Variants in EFNB2 observed in about 807,000 individuals in gnomAD.
EFNB2 encodes ephrin-B2.
In EFNB2, 5 loss-of-function variants were observed where a neutral mutation model predicts 32.1. The observed-to-expected ratio is 0.16, with a 90% CI of 0.08 to 0.33. The LOEUF is 0.33. Ranked by LOEUF, EFNB2 falls within the 10% of genes least tolerant of loss-of-function variation. EFNB2 has a pLI of 1.00. For synonymous variants in EFNB2, 168 were observed against 166.5 expected (o/e 1.01, Z -0.07); for missense variants, 263 against 422.6 (o/e 0.62, Z 3.31).
chr13:106,493,325 G>A lies in EFNB2; in HGVS notation c.717C>T (p.Ile239=), dbSNP rs137953662. ...AGIASGCIIF[I]VIIITLVVLL... is the part of the protein sequence containing the mutation. ...GGACCACCAGCGTGATGATGATGACGATGAAGATGATGCATCCTGAAGCAA... is the reference window on the plus strand; with the variant it reads ...GGACCACCAGCGTGATGATGATGACAATGAAGATGATGCATCCTGAAGCAA... The change falls in exon 5 of 5, where the codon ATC becomes ATT. Residue 239 remains isoleucine (I), a synonymous_variant. Coordinates refer to ENST00000646441, the MANE Select transcript of EFNB2 (RefSeq NM_004093.4). This position sits in a 1 kb window ranked among gnomAD's most constrained non-coding sequence, Gnocchi z 6.1. 428 of 1,614,124 alleles carry A rather than the reference G, an allele frequency of 2.7e-4. No individual in the cohort carries two copies. The highest frequency in any genetic ancestry group is 1.6e-3 in the Middle Eastern group (10 of 6,062).
At position 106,493,140 on chromosome 13, in the gene EFNB2, C is replaced by T. The variant is rs1474059835; in HGVS notation, c.902G>A (p.Cys301Tyr). 6.2e-7 allele frequency: 1 copy of T among 1,613,942 alleles called. No homozygotes were observed. Among genetic ancestry groups the T allele is most frequent in the Non-Finnish European group, 8.5e-7 (1 of 1,180,046 alleles). The change falls in exon 5 of 5, where the codon TGC becomes TAC. Residue 301 changes from cysteine to tyrosine, a missense_variant. By Grantham distance (194) the Cys-to-Tyr change is radical. Around this residue, in one of 3 missense-constraint regions of EFNB2, gnomAD observed 172 missense variants for 237.1 expected, o/e 0.73. Transcript: ENST00000646441. The surrounding 1 kb of genome is among the most constrained non-coding windows in gnomAD (Gnocchi z 6.1). ...IPLRTADSVF[C>Y]PHYEKVSGDY... ...CCCGCTGACCTTCTCGTAGTGAGGGCAGAAGACGCTGTCCGCAGTCCTTAG... is the reference window on the plus strand; with the variant it reads ...CCCGCTGACCTTCTCGTAGTGAGGGTAGAAGACGCTGTCCGCAGTCCTTAG...
At position 106,491,008 on chromosome 13, in the gene EFNB2, T is replaced by A. The variant is rs73586161; in HGVS notation, c.*2032A>T. ...TAGTAACAGGACTATGTTAAAGATG[T>A]CTATTTTGCATAGCACATAAAAAGT... is the stretch of plus-strand genomic sequence containing the variant. On this transcript the variant is annotated 3_prime_UTR_variant, in exon 5 of 5. Coordinates refer to ENST00000646441, the MANE Select transcript of EFNB2 (RefSeq NM_004093.4). 5.2e-5 allele frequency: 8 copies of A among 152,670 alleles called. No homozygotes were observed. Among genetic ancestry groups the A allele is most frequent in the African/African-American group, 1.9e-4 (8 of 41,526 alleles). 9.5% of individuals were successfully genotyped at this position (152,670 alleles called of 1,614,324 possible). A position where few individuals can be genotyped will look rare whatever the true frequency, so the allele number is the denominator to read the frequency against.
intron 2 of EFNB2, among the ~76,000 whole-genome samples, chr13:106,502,051 G>A (rs1345103156): frequency 6.6e-6 from 1 of 152,146 alleles, no homozygotes; most frequent in East Asian, 1.9e-4. Flanking sequence ...AGTGATGTAG[G>A]ATGTGTGAGT....
chr13:106,497,111 T>A (rs1033644904), intron 2 of EFNB2, among the ~76,000 whole-genome samples: 1 of 152,358 alleles, frequency 6.6e-6, no homozygotes, highest in African/African-American at 2.4e-5. Flanking sequence ...AAGTTCTATA[T>A]GCATTTATGG....
chr13:106,509,516 T>C (rs1302146653), intron 2 of EFNB2, among the ~76,000 whole-genome samples: 1 of 152,218 alleles, frequency 6.6e-6, no homozygotes, highest in African/African-American at 2.4e-5. Context: ...AATATACATG[T>C]AAATTTTAAT....
At chr13:106,513,179 T>C (rs1197491047) in intron 1 of EFNB2, among the ~76,000 whole-genome samples, 5 of 152,218 alleles carry the variant, frequency 3.3e-5, no homozygotes, top group African/African-American at 9.7e-5. Flanking sequence ...TTTTTAACCA[T>C]TGGCAGCTTT....
chr13:106,495,917 T>C (rs1878573409), intron 2 of EFNB2, 77 bp from the exon 3 acceptor site: 3 of 1,321,614 alleles, frequency 2.3e-6, no homozygotes, highest in Non-Finnish European at 3.2e-6. Flanking sequence ...TACATGAACA[T>C]GAAATGTCTG....
chr13:106,491,682 C>G lies in EFNB2; in HGVS notation c.*1358G>C, dbSNP rs1377834536. The G allele has an allele frequency of 6.6e-6, 1 of 152,614 alleles. No homozygotes were observed. Among genetic ancestry groups the G allele is most frequent in the Non-Finnish European group, 1.5e-5 (1 of 68,136 alleles). The allele number at this position is 152,614 out of a possible 1,614,324, so 9.5% of individuals were successfully genotyped here. On this transcript the variant is annotated 3_prime_UTR_variant, in exon 5 of 5. Coordinates refer to ENST00000646441, the MANE Select transcript of EFNB2 (RefSeq NM_004093.4). The stretch of plus-strand genomic sequence containing the variant: ...CGACCCTGCAGCCCTGGCACCCGGA[C>G]AGCACCGCATAAACCAAAGTGTCGT...
intron 2 of EFNB2, among the ~76,000 whole-genome samples, chr13:106,500,859 A>G (rs1043870992): frequency 1.3e-5 from 2 of 152,200 alleles, no homozygotes; most frequent in African/African-American, 2.4e-5. Context: ...TAAAAAAAGC[A>G]TAATCCAGTA....
rs1026640558 is a variant in EFNB2, at chr13:106,492,907, C to T, written c.*133G>A. The T allele has an allele frequency of 1.7e-5, 21 of 1,251,204 alleles. No individual in the cohort carries two copies. The highest frequency in any genetic ancestry group is 1.2e-4 in the African/African-American group (8 of 66,596). The allele number at this position is 1,251,204 out of a possible 1,614,324, so 77.5% of individuals were successfully genotyped here. A position where few individuals can be genotyped will look rare whatever the true frequency, so the allele number is the denominator to read the frequency against. On this transcript the variant is annotated 3_prime_UTR_variant, in exon 5 of 5. Transcript: ENST00000646441. This position sits in a 1 kb window ranked among gnomAD's most constrained non-coding sequence, Gnocchi z 5.1. ...AGCTGTCCAGCGCGACGGGCTCTTC[C>T]GAGGAGGAGTGTCCCTCTCCCCCGG... is the stretch of plus-strand genomic sequence containing the variant.
intron 1 of EFNB2, chr13:106,519,213 T>C (rs545767468): frequency 1.2e-3 from 190 of 152,234 alleles, no homozygotes; most frequent in African/African-American, 4.4e-3. Context: ...TGCTTGGAAA[T>C]GTTGTGGGAA....
At chr13:106,526,364 T>A (rs555774335) in intron 1 of EFNB2, among the ~76,000 whole-genome samples, 1 of 152,260 alleles carries the variant, frequency 6.6e-6, no homozygotes, top group African/African-American at 2.4e-5. Context: ...TCCCTGACTT[T>A]TAGGACAGGT....
At chr13:106,519,474 A>C (rs991344619) in intron 1 of EFNB2, 9 of 152,314 alleles carry the variant, frequency 5.9e-5, no homozygotes, top group Admixed American at 2.0e-4. Flanking sequence ...CCTCTAGAGC[A>C]AACTGCCAAG....
In EFNB2 at chr13:106,493,012, G is replaced by A. The variant is rs1878462266; in HGVS notation, c.*28C>T. On this transcript the variant is annotated 3_prime_UTR_variant, in exon 5 of 5. Transcript: ENST00000646441. The surrounding 1 kb of genome is among the most constrained non-coding windows in gnomAD (Gnocchi z 6.1). ...CATCGGGACATTAGGTGTCCTCTGGGAAAGCACAGGTACCACCAGGGTCCC... is the reference window on the plus strand; with the variant it reads ...CATCGGGACATTAGGTGTCCTCTGGAAAAGCACAGGTACCACCAGGGTCCC... The A allele has an allele frequency of 1.3e-6, 2 of 1,577,474 alleles. No individual in the cohort carries two copies. Among genetic ancestry groups the A allele is most frequent in the African/African-American group, 1.3e-5 (1 of 74,426 alleles).
chr13:106,498,150 C>G (rs1378634794), intron 2 of EFNB2, among the ~76,000 whole-genome samples: 1 of 151,832 alleles, frequency 6.6e-6, no homozygotes, highest in Non-Finnish European at 1.5e-5. Flanking sequence ...CAACACTAAG[C>G]TGAAAAATGA....
At chr13:106,534,722 G>T in intron 1 of EFNB2, 121 bp downstream of exon 1, 2 of 1,196,472 alleles carry the variant, frequency 1.7e-6, no homozygotes, top group Non-Finnish European at 2.3e-6. Flanking sequence ...TGGGGGTGGG[G>T]GACGGGGAAC....
chr13:106,498,518 A>G (rs1406171278), intron 2 of EFNB2, among the ~76,000 whole-genome samples: 1 of 152,226 alleles, frequency 6.6e-6, no homozygotes, highest in Non-Finnish European at 1.5e-5. Context: ...GACAACCACA[A>G]ATGTAAAATC....
Position 106,535,534 on chromosome 13 carries a change from G to C in EFNB2, c.-570C>G, listed in dbSNP as rs1380904276. ...CTCCCGGCCCCCAGGGCAGGAAAGA[G>C]GGAGCTCGGTCCCCGCCGCGGGCTC... On this transcript the variant is annotated 5_prime_UTR_variant, in exon 1 of 5. Transcript: ENST00000646441. 1 of 149,902 alleles carries C rather than the reference G, an allele frequency of 6.7e-6. No homozygotes were observed. The highest frequency in any genetic ancestry group is 6.6e-5 in the Admixed American group (1 of 15,116). The allele number at this position is 149,902 out of a possible 1,614,324, so 9.3% of individuals were successfully genotyped here. A position where few individuals can be genotyped will look rare whatever the true frequency, so the allele number is the denominator to read the frequency against.
At chr13:106,532,449 C>G (rs910443203) in intron 1 of EFNB2, among the ~76,000 whole-genome samples, 4 of 152,184 alleles carry the variant, frequency 2.6e-5, no homozygotes, top group Non-Finnish European at 1.5e-5. Flanking sequence ...ACCTTCCTGC[C>G]ACATCATATT....
Sources: gnomAD v4.1 joint callset for allele counts (sites outside exome capture counted in the v4.1 genomes callset) on GRCh38, gnomAD v4.1.1 for gene constraint, gnomAD v4.1.1 regional missense constraint, Gnocchi (gnomAD v3.1) non-coding constraint, MANE v1.5 for transcripts, NCBI Gene and HGNC (gene_info 2026-07-23, HGNC 2026-07-21) for gene names.